The following NIN variants were observed in gnomAD, a reference collection of about 807,000 sequenced individuals.
The protein encoded by NIN is ninein.
NIN carries 137 observed loss-of-function variants against 257.6 expected under a neutral mutation model. The ratio of observed to expected loss-of-function variants is 0.53; its 90% CI spans 0.46 to 0.61. The LOEUF (loss-of-function observed/expected upper bound fraction) is 0.61. NIN is among the 20% of genes least tolerant of loss of function. The pLI is 0.00. For synonymous variants in NIN, 918 were observed against 919.8 expected (o/e 1.00, Z 0.04); for missense variants, 2,439 against 2,501.2 (o/e 0.98, Z 0.53).
intron 2 of NIN, among the ~76,000 whole-genome samples, chr14:50,828,591 C>T (rs1032437810): frequency 3.3e-5 from 5 of 152,182 alleles, no homozygotes; most frequent in Admixed American, 2.6e-4. Context: ...AAAGGCTTCA[C>T]GCTGTTTAAA....
chr14:50,767,832 A>T (rs1025288672), intron 12 of NIN, among the ~76,000 whole-genome samples: 25 of 151,692 alleles, frequency 1.6e-4, no homozygotes, highest in Middle Eastern at 3.2e-3. Flanking sequence ...AAAAAAAAAA[A>T]GTAGAGCAAC....
chr14:50,737,739 G>A (rs1193866860), intron 27 of NIN, among the ~76,000 whole-genome samples: 1 of 151,248 alleles, frequency 6.6e-6, no homozygotes, highest in Non-Finnish European at 1.5e-5. Flanking sequence ...CCGCCTCCTG[G>A]GTTCCAGCAA....
At chr14:50,813,679 T>A (rs1415303806) in intron 3 of NIN, among the ~76,000 whole-genome samples, 1 of 152,232 alleles carries the variant, frequency 6.6e-6, no homozygotes. Flanking sequence ...TAATGTTGCA[T>A]AAACTCATCT....
chr14:50,778,707 T>C, intron 6 of NIN, 58 bp downstream of exon 6: 1 of 1,472,480 alleles, frequency 6.8e-7, no homozygotes, highest in Non-Finnish European at 9.5e-7. Flanking sequence ...AGACCGGGTG[T>C]GGAGAGCACC....
intron 2 of NIN, among the ~76,000 whole-genome samples, chr14:50,829,031 T>A (rs912829268): frequency 6.6e-6 from 1 of 152,248 alleles, no homozygotes. Context: ...TGGTAATAAC[T>A]TTGCCGATGT....
At chr14:50,767,610 G>T (rs918427757) in intron 12 of NIN, among the ~76,000 whole-genome samples, 4 of 152,124 alleles carry the variant, frequency 2.6e-5, no homozygotes, top group African/African-American at 9.7e-5. Context: ...GAGGTCAGGA[G>T]ATCGAGACCA....
intron 16 of NIN, 146 bp downstream of exon 16, chr14:50,761,644 G>A: frequency 2.6e-6 from 2 of 767,994 alleles, no homozygotes; most frequent in Non-Finnish European, 4.1e-6. Flanking sequence ...GGGCCTTGCT[G>A]TCAGCCTACA....
intron 5 of NIN, among the ~76,000 whole-genome samples, chr14:50,779,051 T>G (rs2043027242): frequency 6.6e-6 from 1 of 152,222 alleles, no homozygotes; most frequent in African/African-American, 2.4e-5. Flanking sequence ...CCTCATTTGC[T>G]AGGTCACTTA....
intron 25 of NIN, among the ~76,000 whole-genome samples, chr14:50,739,995 C>T (rs1254220100): frequency 6.6e-6 from 1 of 152,040 alleles, no homozygotes; most frequent in Non-Finnish European, 1.5e-5. Context: ...ACATATTGTC[C>T]ATGTAATTAA....
chr14:50,826,385 A>C (rs897177650), intron 2 of NIN, among the ~76,000 whole-genome samples: 3 of 152,236 alleles, frequency 2.0e-5, no homozygotes, highest in African/African-American at 7.2e-5. Flanking sequence ...AAGCAGATGC[A>C]CAGAACCATT....
intron 27 of NIN, among the ~76,000 whole-genome samples, chr14:50,736,026 C>T (rs2040957407): frequency 6.6e-6 from 1 of 152,162 alleles, no homozygotes; most frequent in South Asian, 2.1e-4. Flanking sequence ...TTATCCTCTA[C>T]TATGGATCTG....
At chr14:50,788,685 CAG>C (rs1293617373) in intron 5 of NIN, among the ~76,000 whole-genome samples, 1 of 152,208 alleles carries the variant, frequency 6.6e-6, no homozygotes. Flanking sequence ...TTTATCTTTT[CAG>C]ATGACTGTCT....
chr14:50,761,005 T>G (rs1378835251), intron 16 of NIN, among the ~76,000 whole-genome samples: 1 of 152,152 alleles, frequency 6.6e-6, no homozygotes, highest in Non-Finnish European at 1.5e-5. Context: ...AAATATTAAT[T>G]GAACACCTAT....
chr14:50,749,774 C>T (rs772171953), intron 21 of NIN, among the ~76,000 whole-genome samples: 3 of 152,124 alleles, frequency 2.0e-5, no homozygotes, highest in Non-Finnish European at 4.4e-5. Context: ...ACTGCAGCCT[C>T]GACCTCCCAG....
At chr14:50,817,708 A>C (rs952454923) in intron 3 of NIN, among the ~76,000 whole-genome samples, 1 of 152,090 alleles carries the variant, frequency 6.6e-6, no homozygotes, top group Non-Finnish European at 1.5e-5. Flanking sequence ...TTTGTCTCAA[A>C]GTTGGCATAC....
rs2040240605 is a variant in NIN at position 50,719,938 on chromosome 14, C to A, written c.*3525G>T. Reference sequence around the variant, plus strand: ...CAGAACTCATTAATCTTTATCTGAACAGAAACATAGAGATGGCTTTAGATA... The same window carrying A: ...CAGAACTCATTAATCTTTATCTGAAAAGAAACATAGAGATGGCTTTAGATA... On this transcript the variant is annotated 3_prime_UTR_variant, in exon 31 of 31. Transcript: ENST00000530997. The A allele has an allele frequency of 4.7e-6, 1 of 213,226 alleles. No homozygotes were observed. Among genetic ancestry groups the A allele is most frequent in the East Asian group, 7.1e-5 (1 of 14,094 alleles). The allele number at this position is 213,226 out of a possible 1,614,324, so 13.2% of individuals were successfully genotyped here. A position where few individuals can be genotyped will look rare whatever the true frequency, so the allele number is the denominator to read the frequency against.
intron 14 of NIN, among the ~76,000 whole-genome samples, chr14:50,764,362 C>CTGTT (rs2042391313): frequency 6.6e-6 from 1 of 152,150 alleles, no homozygotes; most frequent in African/African-American, 2.4e-5. Context: ...ACAATAACGA[C>CTGTT]TGTTGGTGAA....
intron 4 of NIN, among the ~76,000 whole-genome samples, chr14:50,794,879 C>G (rs2043769689): frequency 6.6e-6 from 1 of 152,090 alleles, no homozygotes; most frequent in Non-Finnish European, 1.5e-5. Context: ...CTACTCACTA[C>G]CCCACGTAGT....
chr14:50,743,544 GA>G lies in NIN; in HGVS notation c.5188-16del. The G allele has an allele frequency of 2.6e-6, 4 of 1,558,112 alleles. No individual in the cohort carries two copies. The highest frequency in any genetic ancestry group is 2.7e-6 in the Non-Finnish European group (3 of 1,129,964). The stretch of plus-strand genomic sequence containing the variant: ...GATTTTGCCAACTGTTTCAGGAAGG[GA>G]AAAAGAGGTAAGAGGGCATTTTTGC... On this transcript the variant is annotated splice_polypyrimidine_tract_variant and intron_variant, in intron 23 of 30. Transcript: ENST00000530997.
Sources: allele counts gnomAD v4.1 joint callset (sites outside exome capture counted in the v4.1 genomes callset), GRCh38; gene constraint gnomAD v4.1.1; transcripts MANE v1.5; gene names NCBI Gene and HGNC (gene_info 2026-07-23, HGNC 2026-07-21).